The following SLC2A14 variants were observed in gnomAD, a reference collection of about 807,000 sequenced individuals.
SLC2A14 encodes the protein solute carrier family 2, facilitated glucose transporter member 14.
In SLC2A14, 13 loss-of-function variants were observed where a neutral mutation model predicts 43.0. The ratio of observed to expected loss-of-function variants is 0.30; its 90% CI spans 0.20 to 0.48. SLC2A14 has a LOEUF of 0.48. SLC2A14 is among the 20% of genes least tolerant of loss of function. SLC2A14 has a pLI of 0.99. For missense variants in SLC2A14, 428 were observed against 620.4 expected (o/e 0.69, Z 3.29); for synonymous variants, 190 against 233.8 (o/e 0.81, Z 1.71).
chr12:7,833,208 A>G (rs1865176520), intron 2 of SLC2A14, among the ~76,000 whole-genome samples: 1 of 152,146 alleles, frequency 6.6e-6, no homozygotes, highest in Non-Finnish European at 1.5e-5. Context: ...CATTTTGGAA[A>G]CAAATACAGT....
At chr12:7,821,415 G>T in intron 7 of SLC2A14, 90 bp from the exon 8 acceptor site, 1 of 1,158,378 alleles carries the variant, frequency 8.6e-7, no homozygotes, top group Non-Finnish European at 1.3e-6. Context: ...GAGCGTGGTT[G>T]CACAGGCCTG....
rs778496220 is a variant in SLC2A14 at position 7,828,709 on chromosome 12, G to A, written c.671C>T (p.Thr224Met). The change falls in exon 6 of 11, where the codon ACG (threonine) becomes ATG (methionine). Residue 224 changes from threonine to methionine, a missense_variant. This residue lies in a region of SLC2A14 where 185 missense variants were observed against 275.4 expected (regional missense o/e 0.67). Coordinates refer to ENST00000431042, the MANE Select transcript of SLC2A14 (RefSeq NM_001286234.2). ...AAAGAGTGAAAGATACTCACTCCGC[G>A]TAGCATTCTCCTCTTTTTTTCTGTT... Reference protein sequence around the residue: ...LINRKKEENATRILQRLWGTQ... With the variant: ...LINRKKEENAMRILQRLWGTQ... 89 of 1,613,852 alleles carry A rather than the reference G, an allele frequency of 5.5e-5. 1 individual carries two copies. Among genetic ancestry groups the A allele is most frequent in the South Asian group, 4.0e-4 (36 of 91,074 alleles).
chr12:7,871,624 C>T (rs1341851095), intron 1 of SLC2A14, among the ~76,000 whole-genome samples: 3 of 152,028 alleles, frequency 2.0e-5, no homozygotes, highest in Non-Finnish European at 4.4e-5. Context: ...GAAAGACCGC[C>T]TTATGAAGAG....
At position 7,856,839 on chromosome 12, in the gene SLC2A14, A is replaced by ATT. The variant is rs200793187; in HGVS notation, c.18+13022_18+13023dup. ...TTGAAGTGGGTATTAATGAATGCTA[A>ATT]TTTTTTTTTTTTTTTTGAGACAGAG... On this transcript the variant is annotated intron_variant, in intron 2 of 10. Coordinates refer to ENST00000431042, the MANE Select transcript of SLC2A14 (RefSeq NM_001286234.2). Among the ~76,000 whole-genome samples, 67 of 146,290 alleles carry ATT rather than the reference A, an allele frequency of 4.6e-4. 1 individual carries two copies. The East Asian group carries it at 7.4e-3, about 16-fold the overall frequency.
At chr12:7,820,481 A>G (rs1256133681) in intron 8 of SLC2A14, among the ~76,000 whole-genome samples, 1 of 152,158 alleles carries the variant, frequency 6.6e-6, no homozygotes, top group African/African-American at 2.4e-5. Flanking sequence ...CTCTGATGCT[A>G]TCTCCAGGTA....
intron 1 of SLC2A14, among the ~76,000 whole-genome samples, chr12:7,886,715 C>T (rs1945694634): frequency 6.6e-6 from 1 of 151,968 alleles, no homozygotes; most frequent in Non-Finnish European, 1.5e-5. Context: ...ATTAAAGACT[C>T]ATTGTTCAAG....
rs764260925 is a variant in SLC2A14, at chr12:7,831,660, G to A, written c.216C>T (p.Ser72=). 1.9e-6 allele frequency: 3 copies of A among 1,614,044 alleles called. No homozygotes were observed. The highest frequency in any genetic ancestry group is 2.2e-5 in the East Asian group (1 of 44,894). The change falls in exon 4 of 11, where the codon TCC becomes TCT. Residue 72 remains serine, a synonymous_variant. Transcript: ENST00000431042. ...NLWSLSVAIF[S]VGGMIGSFSV... ...AAAAGGAGCCGATCATACCCCCGAC[G>A]GAAAATATGGCCACAGACAAGGACC...
At chr12:7,870,419 T>G (rs549412231) in intron 1 of SLC2A14, among the ~76,000 whole-genome samples, 1 of 152,124 alleles carries the variant, frequency 6.6e-6, no homozygotes, top group East Asian at 1.9e-4. Context: ...CACAGTGAAG[T>G]TGGAAGTCGT....
intron 7 of SLC2A14, among the ~76,000 whole-genome samples, chr12:7,827,003 TTCTCTC>T (rs1210811349): frequency 1.4e-5 from 2 of 139,960 alleles, no homozygotes; most frequent in African/African-American, 2.8e-5. Context: ...TTTCTCTCCT[TTCTCTC>T]TCTCTCTTTC....
intron 1 of SLC2A14, among the ~76,000 whole-genome samples, chr12:7,881,886 ACT>A (rs1051048649): frequency 2.6e-5 from 4 of 151,998 alleles, no homozygotes; most frequent in African/African-American, 7.3e-5. Flanking sequence ...ATCAATTGAC[ACT>A]CTCTATCTAG....
chr12:7,881,032 A>G (rs1300272206), intron 1 of SLC2A14, among the ~76,000 whole-genome samples: 3 of 152,024 alleles, frequency 2.0e-5, no homozygotes, highest in Non-Finnish European at 4.4e-5. Flanking sequence ...CCAGCTACTC[A>G]GGAGGCTGAC....
intron 3 of SLC2A14, 113 bp from the exon 4 acceptor site, chr12:7,831,877 G>A: frequency 7.4e-7 from 1 of 1,351,884 alleles, no homozygotes; most frequent in Non-Finnish European, 1.0e-6. Context: ...GGAAGGCCGA[G>A]GCGGGTGGAT....
intron 2 of SLC2A14, among the ~76,000 whole-genome samples, chr12:7,833,349 G>C (rs1328789401): frequency 6.6e-6 from 1 of 152,178 alleles, no homozygotes; most frequent in Non-Finnish European, 1.5e-5. Context: ...TAACCTACTG[G>C]ATCTACTCAC....
chr12:7,888,083 A>G (rs1183508462), intron 1 of SLC2A14, among the ~76,000 whole-genome samples: 1 of 152,014 alleles, frequency 6.6e-6, no homozygotes, highest in East Asian at 1.9e-4. Flanking sequence ...TTTTGCCACC[A>G]ATGTTGTCTC....
Position 7,890,707 on chromosome 12 carries a change from C to A in SLC2A14, c.132+289G>T, listed in dbSNP as rs182807138. On this transcript the variant is annotated intron_variant, in intron 1 of 9. Transcript: ENST00000539924. Reference sequence around the variant, plus strand: ...CCCCCTTCCCTTTGGTCTTTCACTCCGGAGGCTCTTACCCTAGACGCAATG... The same window carrying A: ...CCCCCTTCCCTTTGGTCTTTCACTCAGGAGGCTCTTACCCTAGACGCAATG... 1.6e-3 allele frequency: 311 copies of A among 189,630 alleles called. 3 individuals carry two copies. Among genetic ancestry groups the A allele is most frequent in the Non-Finnish European group, 1.0e-3 (97 of 92,428 alleles). 11.7% of individuals were successfully genotyped at this position (189,630 alleles called of 1,614,324 possible).
intron 1 of SLC2A14, chr12:7,871,019 A>G: frequency 1.4e-6 from 2 of 1,435,350 alleles, no homozygotes; most frequent in South Asian, 1.1e-5. Context: ...GGGGGACAGC[A>G]CGACAAGCTG....
intron 10 of SLC2A14, among the ~76,000 whole-genome samples, chr12:7,817,496 T>C (rs1863553659): frequency 6.6e-6 from 1 of 150,838 alleles, no homozygotes; most frequent in East Asian, 2.0e-4. Flanking sequence ...TGGCCGGGCA[T>C]GGTGGCTCAC....
chr12:7,848,716 C>A (rs113405607), intron 2 of SLC2A14, among the ~76,000 whole-genome samples: 12 of 151,936 alleles, frequency 7.9e-5, no homozygotes, highest in Non-Finnish European at 1.3e-4. Context: ...CCACCATGCC[C>A]GGCTAATTTT....
At chr12:7,825,232 G>A (rs1042752932) in intron 7 of SLC2A14, among the ~76,000 whole-genome samples, 2 of 130,030 alleles carry the variant, frequency 1.5e-5, no homozygotes, top group Admixed American at 8.4e-5. Context: ...AGGCCGAGGC[G>A]GGTGGATCAC....
Sources: allele counts gnomAD v4.1 joint callset (sites outside exome capture counted in the v4.1 genomes callset), GRCh38; gene constraint gnomAD v4.1.1; regional missense constraint gnomAD v4.1.1; transcripts MANE v1.5; gene names NCBI Gene and HGNC (gene_info 2026-07-23, HGNC 2026-07-21).